The following SH3D19 variants were observed in gnomAD, a reference collection of about 807,000 sequenced individuals.
SH3D19 encodes SH3 domain containing 19, also known as SH3 domain-containing protein 19.
Under a neutral mutation model 112.1 loss-of-function variants are expected in SH3D19, and 58 were observed. The observed-to-expected ratio is 0.52, with a 90% CI of 0.42 to 0.64. The LOEUF (loss-of-function observed/expected upper bound fraction) is 0.64. Among genes scored for constraint, SH3D19 ranks in the 30% least tolerant of loss-of-function variants. The pLI is 0.00. For missense variants in SH3D19, 1,090 were observed against 1,263.4 expected, an observed-to-expected ratio of 0.86 and a Z score of 2.08; for synonymous variants, 391 against 448.5, an observed-to-expected ratio of 0.87 and a Z score of 1.62.
intron 1 of SH3D19, among the ~76,000 whole-genome samples, chr4:151,233,765 T>C (rs946758713): frequency 6.6e-6 from 1 of 152,210 alleles, no homozygotes; most frequent in Non-Finnish European, 1.5e-5. Context: ...ATCTGAACTC[T>C]CAGACTATCC....
intron 17 of SH3D19, among the ~76,000 whole-genome samples, chr4:151,131,111 A>G (rs902586302): frequency 2.6e-5 from 4 of 152,188 alleles, no homozygotes; most frequent in Non-Finnish European, 4.4e-5. Context: ...ATGACATTTA[A>G]AAACATTATT....
chr4:151,265,199 T>C (rs1194311023), intron 1 of SH3D19, among the ~76,000 whole-genome samples: 1 of 152,154 alleles, frequency 6.6e-6, no homozygotes, highest in Non-Finnish European at 1.5e-5. Context: ...TACAATTTAT[T>C]CTCAAAGGCA....
intron 1 of SH3D19, chr4:151,277,032 G>C (rs939177350): frequency 5.9e-6 from 3 of 509,272 alleles, no homozygotes; most frequent in Non-Finnish European, 6.1e-6. Context: ...ATCTGGCAGC[G>C]GGTGAAGACC....
chr4:151,297,351 C>T (rs1193769037), intron 1 of SH3D19, among the ~76,000 whole-genome samples: 2 of 152,228 alleles, frequency 1.3e-5, no homozygotes, highest in African/African-American at 4.8e-5. Flanking sequence ...AGTCCTGTGG[C>T]ACTTTGTGTG....
intron 1 of SH3D19, among the ~76,000 whole-genome samples, chr4:151,321,552 G>A (rs747935288): frequency 6.6e-5 from 10 of 151,998 alleles, no homozygotes; most frequent in Admixed American, 2.0e-4. Context: ...TGGAAACTAA[G>A]TCCTATAAGT....
chr4:151,190,895 A>G (rs1762506665), intron 2 of SH3D19, among the ~76,000 whole-genome samples: 1 of 152,144 alleles, frequency 6.6e-6, no homozygotes, highest in Non-Finnish European at 1.5e-5. Context: ...GACAGCTTGC[A>G]CTGTGCTCCT....
chr4:151,319,474 C>T (rs560564008), intron 1 of SH3D19, among the ~76,000 whole-genome samples: 5 of 152,256 alleles, frequency 3.3e-5, no homozygotes, highest in Admixed American at 3.3e-4. Context: ...ATTCTAATAA[C>T]AAAAAACAGT....
chr4:151,312,911 A>AT (rs1357587131), intron 1 of SH3D19, among the ~76,000 whole-genome samples: 18 of 149,262 alleles, frequency 1.2e-4, no homozygotes, highest in African/African-American at 3.7e-4. Flanking sequence ...AAAAAAAAAA[A>AT]AAATAAATAA....
At chr4:151,170,187 C>T (rs1229745316) in intron 7 of SH3D19, among the ~76,000 whole-genome samples, 1 of 152,052 alleles carries the variant, frequency 6.6e-6, no homozygotes, top group Non-Finnish European at 1.5e-5. Context: ...CATTGGTTAC[C>T]GTGGGGAGTT....
chr4:151,311,977 G>A (rs1729501833), intron 1 of SH3D19, among the ~76,000 whole-genome samples: 1 of 152,062 alleles, frequency 6.6e-6, no homozygotes, highest in African/African-American at 2.4e-5. Flanking sequence ...ATCGCATGGT[G>A]ACTATAATTA....
At chr4:151,237,054 C>T (rs1247540467) in intron 1 of SH3D19, among the ~76,000 whole-genome samples, 1 of 152,214 alleles carries the variant, frequency 6.6e-6, no homozygotes, top group African/African-American at 2.4e-5. Context: ...CACGATAAAC[C>T]TTGCTGCTGC....
intron 2 of SH3D19, among the ~76,000 whole-genome samples, chr4:151,205,135 A>C (rs930579079): frequency 1.3e-5 from 2 of 152,078 alleles, no homozygotes; most frequent in Non-Finnish European, 2.9e-5. Context: ...TCTGTTCTTT[A>C]CGCAAATAGA....
chr4:151,287,805 G>A (rs1470099592), intron 1 of SH3D19, among the ~76,000 whole-genome samples: 2 of 152,122 alleles, frequency 1.3e-5, no homozygotes, highest in East Asian at 1.9e-4. Flanking sequence ...ACTTGAGACC[G>A]GGAGGTCGAG....
At chr4:151,131,359 TTTG>T (rs1484734648) in intron 17 of SH3D19, among the ~76,000 whole-genome samples, 1 of 152,174 alleles carries the variant, frequency 6.6e-6, no homozygotes, top group Non-Finnish European at 1.5e-5. Context: ...GCACTGAATC[TTTG>T]TTAACTGAAT....
At chr4:151,122,516 C>CACACAT (rs1326323394) in intron 19 of SH3D19, among the ~76,000 whole-genome samples, 3 of 149,300 alleles carry the variant, frequency 2.0e-5, no homozygotes, top group Non-Finnish European at 4.4e-5. Context: ...AGTTATCACA[C>CACACAT]ACACACACAC....
intron 1 of SH3D19, among the ~76,000 whole-genome samples, chr4:151,311,179 A>G (rs1729426507): frequency 6.6e-6 from 1 of 151,650 alleles, no homozygotes. Context: ...CAGCCTTTAA[A>G]AAGAAGGAAA....
At chr4:151,321,715 T>C (rs1010778577) in intron 1 of SH3D19, among the ~76,000 whole-genome samples, 5 of 152,224 alleles carry the variant, frequency 3.3e-5, no homozygotes, top group African/African-American at 7.2e-5. Context: ...AAGTGCATCA[T>C]CCTTTTGAAC....
rs1300345040 is a variant in SH3D19 at position 151,198,336 on chromosome 4, A to ATATAT, written c.153-10874_153-10873insATATA. 5.5e-4 allele frequency among the ~76,000 whole-genome samples: 77 copies of ATATAT among 139,000 alleles called. 1 individual carries two copies. In the East Asian group the frequency reaches 0.01, roughly 19 times the overall value. The allele number at this position is 139,000 out of a possible 152,430, so 91.2% of individuals were successfully genotyped here. The stretch of plus-strand genomic sequence containing the variant: ...AAAAAAAATATATATATAATATAAA[A>ATATAT]ATATATATTATATAAAATATAAAAT... On this transcript the variant is annotated intron_variant, in intron 2 of 19. Transcript: ENST00000604030.
intron 1 of SH3D19, among the ~76,000 whole-genome samples, chr4:151,314,485 G>A (rs1729799632): frequency 1.3e-5 from 2 of 152,088 alleles, no homozygotes; most frequent in Admixed American, 6.6e-5. Context: ...CGGTGGAGTG[G>A]GGGCCTCATA....
Sources: allele counts gnomAD v4.1 joint callset (sites outside exome capture counted in the v4.1 genomes callset), GRCh38; gene constraint gnomAD v4.1.1; transcripts MANE v1.5; gene names NCBI Gene and HGNC (gene_info 2026-07-23, HGNC 2026-07-21).